The following TPST1 variants were observed in gnomAD, a reference collection of about 807,000 sequenced individuals.
TPST1 encodes the protein tyrosylprotein sulfotransferase 1, also known as protein-tyrosine sulfotransferase 1.
TPST1 carries 20 observed loss-of-function variants against 34.8 expected under a neutral mutation model. The ratio of observed to expected loss-of-function variants is 0.57; its 90% CI spans 0.40 to 0.84. TPST1 has a LOEUF of 0.84. TPST1 is among the 40% of genes least tolerant of loss of function. The pLI, the probability that TPST1 is intolerant of heterozygous loss-of-function variation, is 0.00. For missense variants in TPST1, 353 were observed against 455.5 expected, an observed-to-expected ratio of 0.78 and a Z score of 2.05; for synonymous variants, 152 against 159.4, an observed-to-expected ratio of 0.95 and a Z score of 0.35.
At chr7:66,294,201 A>T (rs979777137) in intron 3 of TPST1, among the ~76,000 whole-genome samples, 1 of 152,130 alleles carries the variant, frequency 6.6e-6, no homozygotes, top group Non-Finnish European at 1.5e-5. Flanking sequence ...TGTCAACTGC[A>T]GTTTTTTGTG....
At chr7:66,206,513 C>G (rs184149963) in intron 1 of TPST1, among the ~76,000 whole-genome samples, 1 of 152,064 alleles carries the variant, frequency 6.6e-6, no homozygotes, top group South Asian at 2.1e-4. Flanking sequence ...TCCAGTAAAG[C>G]GATTAAATGG....
chr7:66,216,991 A>G (rs1210950341), intron 1 of TPST1, among the ~76,000 whole-genome samples: 4 of 152,222 alleles, frequency 2.6e-5, no homozygotes, highest in Non-Finnish European at 5.9e-5. Flanking sequence ...ACATATTTGT[A>G]AATTTCCCAA....
At chr7:66,208,163 A>C (rs1047573117) in intron 1 of TPST1, among the ~76,000 whole-genome samples, 18 of 152,294 alleles carry the variant, frequency 1.2e-4, no homozygotes, top group African/African-American at 4.1e-4. Context: ...AACCCTTAGC[A>C]TGTTGAGCCA....
chr7:66,236,507 A>G (rs1009604106), intron 1 of TPST1, among the ~76,000 whole-genome samples: 20 of 152,220 alleles, frequency 1.3e-4, no homozygotes, highest in Middle Eastern at 3.4e-3. Context: ...AAGTATATAT[A>G]CTTAATGTAT....
chr7:66,345,820 T>C (rs1411199936), intron 3 of TPST1, among the ~76,000 whole-genome samples: 3 of 152,194 alleles, frequency 2.0e-5, no homozygotes, highest in Non-Finnish European at 4.4e-5. Flanking sequence ...ATCATTTTCT[T>C]GTATTACAAA....
intron 1 of TPST1, among the ~76,000 whole-genome samples, chr7:66,220,625 G>A (rs1297264091): frequency 1.4e-5 from 2 of 139,078 alleles, no homozygotes; most frequent in Non-Finnish European, 3.1e-5. Context: ...CTCAAACAAG[G>A]AAGGGATGCT....
intron 3 of TPST1, among the ~76,000 whole-genome samples, chr7:66,337,630 A>T (rs777845371): frequency 1.3e-5 from 2 of 152,192 alleles, no homozygotes; most frequent in Non-Finnish European, 2.9e-5. Context: ...TAAAAACAGT[A>T]ACTACAACGG....
intron 1 of TPST1, among the ~76,000 whole-genome samples, chr7:66,216,143 A>G (rs566860317): frequency 6.6e-6 from 1 of 151,838 alleles, no homozygotes; most frequent in Non-Finnish European, 1.5e-5. Context: ...GATTTTTAAT[A>G]TTTTCTTGAG....
intron 3 of TPST1, among the ~76,000 whole-genome samples, chr7:66,304,251 TAG>T (rs1310954862): frequency 6.6e-6 from 1 of 152,174 alleles, no homozygotes; most frequent in Non-Finnish European, 1.5e-5. Context: ...CCTGCAGCTC[TAG>T]AGAGGGCAGA....
At chr7:66,237,891 A>T (rs778926671) in intron 1 of TPST1, among the ~76,000 whole-genome samples, 1 of 152,166 alleles carries the variant, frequency 6.6e-6, no homozygotes, top group Admixed American at 6.5e-5. Flanking sequence ...TTGTGGCCCA[A>T]TAACGAGATG....
intron 2 of TPST1, among the ~76,000 whole-genome samples, chr7:66,241,565 T>G (rs1283254452): frequency 6.6e-6 from 1 of 152,220 alleles, no homozygotes; most frequent in Non-Finnish European, 1.5e-5. Flanking sequence ...GTGAAAAGCC[T>G]TCTTCAGGGT....
chr7:66,248,738 C>T (rs1790203878), intron 2 of TPST1, among the ~76,000 whole-genome samples: 1 of 152,006 alleles, frequency 6.6e-6, no homozygotes, highest in Admixed American at 6.6e-5. Flanking sequence ...TGGCCTTGAT[C>T]TCCTGACCTC....
chr7:66,318,071 A>T (rs1483347809), intron 3 of TPST1, among the ~76,000 whole-genome samples: 1 of 152,184 alleles, frequency 6.6e-6, no homozygotes. Context: ...AGTCAGGAGA[A>T]TCGCTTGAAC....
chr7:66,326,931 C>T (rs1278854285), intron 3 of TPST1, among the ~76,000 whole-genome samples: 1 of 152,112 alleles, frequency 6.6e-6, no homozygotes, highest in East Asian at 1.9e-4. Flanking sequence ...AGAACTGAGT[C>T]TGAGATTTGC....
intron 2 of TPST1, among the ~76,000 whole-genome samples, chr7:66,247,671 C>T (rs574181214): frequency 1.3e-5 from 2 of 152,304 alleles, no homozygotes; most frequent in South Asian, 2.1e-4. Context: ...CTGGGTGACC[C>T]ATGGTTAAGG....
chr7:66,308,817 C>G (rs779519024), intron 3 of TPST1, among the ~76,000 whole-genome samples: 1 of 152,134 alleles, frequency 6.6e-6, no homozygotes, highest in Non-Finnish European at 1.5e-5. Flanking sequence ...TCTAGACATT[C>G]CTGGGATGTA....
At chr7:66,255,822 G>C (rs1038396798) in intron 2 of TPST1, among the ~76,000 whole-genome samples, 7 of 151,738 alleles carry the variant, frequency 4.6e-5, no homozygotes, top group Admixed American at 3.9e-4. Flanking sequence ...TGTACTTTTA[G>C]TACTGTCAAA....
intron 1 of TPST1, among the ~76,000 whole-genome samples, chr7:66,219,945 AAG>A (rs1789505982): frequency 6.6e-6 from 1 of 152,222 alleles, no homozygotes; most frequent in East Asian, 1.9e-4. Context: ...GATTGCAAAA[AAG>A]ATTTTGATTC....
intron 4 of TPST1, among the ~76,000 whole-genome samples, 187 bp from the exon 5 acceptor site, chr7:66,356,638 C>T (rs183958877): frequency 7.9e-5 from 12 of 152,146 alleles, no homozygotes; most frequent in African/African-American, 2.4e-4. Context: ...TCCAAGGATT[C>T]GGCATTTCCC....
Sources: gnomAD v4.1 joint callset for allele counts (sites outside exome capture counted in the v4.1 genomes callset) on GRCh38, gnomAD v4.1.1 for gene constraint, MANE v1.5 for transcripts, NCBI Gene and HGNC (gene_info 2026-07-23, HGNC 2026-07-21) for gene names.